CAMK1D: variants seen among roughly 807,000 people sequenced by gnomAD.
CAMK1D encodes the protein calcium/calmodulin-dependent protein kinase type 1D.
Under a neutral mutation model 47.7 loss-of-function variants are expected in CAMK1D, and 9 were observed. The ratio of observed to expected loss-of-function variants is 0.19; its 90% CI spans 0.11 to 0.33. The LOEUF is 0.33. Ranked by LOEUF, CAMK1D falls within the 10% of genes least tolerant of loss-of-function variation. CAMK1D has a pLI of 1.00. For missense variants in CAMK1D, 291 were observed against 488.7 expected (o/e 0.60, Z 3.81); for synonymous variants, 184 against 184.9 (o/e 0.99, Z 0.04).
At chr10:12,822,012 T>C (rs1236233083) in intron 8 of CAMK1D, among the ~76,000 whole-genome samples, 3 of 151,940 alleles carry the variant, frequency 2.0e-5, no homozygotes, top group Non-Finnish European at 1.5e-5. Flanking sequence ...GAGACATGAA[T>C]GAAATGTGTT....
In CAMK1D at chr10:12,661,966, CT is replaced by C. The variant is rs575497393; in HGVS notation, c.225-4769del. On this transcript the variant is annotated intron_variant, in intron 2 of 10. Coordinates refer to ENST00000619168, the MANE Select transcript of CAMK1D (RefSeq NM_153498.4). The stretch of plus-strand genomic sequence containing the variant: ...TGTGTAGAGCTGAAGAATTCTACTT[CT>C]GCAAAGCATCTAATTGTCTCCTTAT... Among the ~76,000 whole-genome samples the C allele has an allele frequency of 2.9e-3, 443 of 151,678 alleles. 2 individuals are homozygous for C. The highest frequency in any genetic ancestry group is 5.0e-3 in the Non-Finnish European group (340 of 67,818).
At chr10:12,768,860 T>C (rs1405554875) in intron 4 of CAMK1D, among the ~76,000 whole-genome samples, 1 of 152,152 alleles carries the variant, frequency 6.6e-6, no homozygotes, top group Non-Finnish European at 1.5e-5. Flanking sequence ...TAAAACACGA[T>C]GCAAATGATA....
intron 2 of CAMK1D, among the ~76,000 whole-genome samples, chr10:12,570,954 TA>T (rs1438697727): frequency 4.6e-5 from 7 of 150,612 alleles, no homozygotes; most frequent in African/African-American, 1.2e-4. Context: ...TCATGTCAAT[TA>T]AAAAAAAGAT....
intron 3 of CAMK1D, among the ~76,000 whole-genome samples, chr10:12,712,877 A>G (rs1256014508): frequency 6.6e-6 from 1 of 152,022 alleles, no homozygotes. Context: ...AGCGAAGGGG[A>G]GGGTACTGAG....
At chr10:12,648,393 G>T (rs923252262) in intron 2 of CAMK1D, among the ~76,000 whole-genome samples, 1 of 152,200 alleles carries the variant, frequency 6.6e-6, no homozygotes, top group Non-Finnish European at 1.5e-5. Context: ...TCAGTGCTCC[G>T]CAGGGATATT....
chr10:12,815,954 A>T (rs1045273957), intron 7 of CAMK1D, among the ~76,000 whole-genome samples: 1 of 152,174 alleles, frequency 6.6e-6, no homozygotes, highest in African/African-American at 2.4e-5. Flanking sequence ...TAACAAAGAT[A>T]TTTCTTCTCT....
At chr10:12,545,355 C>T (rs1480655924) in intron 1 of CAMK1D, among the ~76,000 whole-genome samples, 3 of 149,562 alleles carry the variant, frequency 2.0e-5, no homozygotes, top group African/African-American at 7.4e-5. Flanking sequence ...GATACTGAGG[C>T]AGGAGAATTG....
intron 1 of CAMK1D, among the ~76,000 whole-genome samples, chr10:12,416,830 C>G (rs2768372): frequency 0.016 from 2,504 of 152,320 alleles, 80 homozygotes; most frequent in African/African-American, 0.057. Context: ...CCCCTTTGCT[C>G]CCAGCTTTCC....
chr10:12,804,947 A>AG (rs1360688571), intron 6 of CAMK1D, among the ~76,000 whole-genome samples: 3 of 150,140 alleles, frequency 2.0e-5, no homozygotes, highest in Non-Finnish European at 3.0e-5. Context: ...CAAAAAAAAA[A>AG]AAAAAAAAAA....
At chr10:12,457,843 T>C (rs1366814403) in intron 1 of CAMK1D, among the ~76,000 whole-genome samples, 3 of 151,716 alleles carry the variant, frequency 2.0e-5, no homozygotes, top group Non-Finnish European at 4.4e-5. Context: ...TTTACTTATA[T>C]TTGCATCAAG....
chr10:12,444,858 C>T (rs1414153622), intron 1 of CAMK1D, among the ~76,000 whole-genome samples: 1 of 152,140 alleles, frequency 6.6e-6, no homozygotes, highest in Non-Finnish European at 1.5e-5. Context: ...TAACAGGCTT[C>T]AGAGAGATTA....
chr10:12,619,395 A>T (rs2132434368), intron 2 of CAMK1D, among the ~76,000 whole-genome samples: 1 of 152,096 alleles, frequency 6.6e-6, no homozygotes, highest in Non-Finnish European at 1.5e-5. Context: ...GTCTCAAGTA[A>T]TTCTTCTGCC....
At chr10:12,417,102 C>T (rs185730444) in intron 1 of CAMK1D, among the ~76,000 whole-genome samples, 35 of 152,296 alleles carry the variant, frequency 2.3e-4, no homozygotes, top group Admixed American at 2.2e-3. Context: ...CAGTACTTGT[C>T]TCTCATAGAA....
At chr10:12,675,571 A>ACAAC (rs1468448149) in intron 3 of CAMK1D, among the ~76,000 whole-genome samples, 2 of 152,168 alleles carry the variant, frequency 1.3e-5, no homozygotes, top group Non-Finnish European at 2.9e-5. Context: ...TACAACAAAC[A>ACAAC]CAACCACTTT....
At chr10:12,680,585 A>G (rs60862166) in intron 3 of CAMK1D, among the ~76,000 whole-genome samples, 1,806 of 152,236 alleles carry the variant, frequency 0.012, 43 homozygotes, top group African/African-American at 0.041. Flanking sequence ...GAATCCTTGG[A>G]GGTTTATGAA....
chr10:12,706,430 G>A (rs1394392834), intron 3 of CAMK1D, among the ~76,000 whole-genome samples: 1 of 150,332 alleles, frequency 6.7e-6, no homozygotes, highest in Non-Finnish European at 1.5e-5. Context: ...ATGTGGAAAG[G>A]GCTGGGTGTG....
intron 2 of CAMK1D, among the ~76,000 whole-genome samples, chr10:12,565,324 A>G (rs1386908393): frequency 6.6e-6 from 1 of 152,100 alleles, no homozygotes; most frequent in African/African-American, 2.4e-5. Context: ...GACTCGGCCC[A>G]CTGCAACCTC....
intron 1 of CAMK1D, among the ~76,000 whole-genome samples, chr10:12,368,215 T>TA (rs1224079417): frequency 7.6e-6 from 1 of 131,842 alleles, no homozygotes; most frequent in Non-Finnish European, 1.7e-5. Flanking sequence ...AAAAAAAAAA[T>TA]AAAATAAAAT....
Position 12,833,491 on chromosome 10 carries a change from A to G in CAMK1D, c.*4604A>G, listed in dbSNP as rs2431634. On this transcript the variant is annotated 3_prime_UTR_variant, in exon 11 of 11. Transcript: ENST00000619168. ...ATTTTTGAAAGCATCGTGGCCCCTC[A>G]CCTCTCCCTCTCCCCCAGAACCTTG... The G allele has an allele frequency of 0.54, 82,101 of 152,100 alleles. 23,656 individuals are homozygous for G. The highest frequency in any genetic ancestry group is 0.76 in the African/African-American group (31,581 of 41,514). The allele number at this position is 152,100 out of a possible 1,614,324, so 9.4% of individuals were successfully genotyped here. A position where few individuals can be genotyped will look rare whatever the true frequency, so the allele number is the denominator to read the frequency against.
Sources: allele counts gnomAD v4.1 joint callset (sites outside exome capture counted in the v4.1 genomes callset), GRCh38; gene constraint gnomAD v4.1.1; transcripts MANE v1.5; gene names NCBI Gene and HGNC (gene_info 2026-07-23, HGNC 2026-07-21).